Variants in TSPAN5 observed in about 807,000 individuals in gnomAD.
The protein encoded by TSPAN5 is tetraspanin-5.
Under a neutral mutation model 37.1 loss-of-function variants are expected in TSPAN5, and 10 were observed. The ratio of observed to expected loss-of-function variants is 0.27; its 90% CI spans 0.17 to 0.46. The LOEUF (loss-of-function observed/expected upper bound fraction) is 0.46. Among genes scored for constraint, TSPAN5 ranks in the 20% least tolerant of loss-of-function variants. TSPAN5 has a pLI of 1.00. For missense variants in TSPAN5, 195 were observed against 326.6 expected, an observed-to-expected ratio of 0.60 and a Z score of 3.11; for synonymous variants, 110 against 118.9, an observed-to-expected ratio of 0.93 and a Z score of 0.48.
chr4:98,609,285 G>A (rs570167628), intron 1 of TSPAN5, among the ~76,000 whole-genome samples: 1 of 152,258 alleles, frequency 6.6e-6, no homozygotes, highest in South Asian at 2.1e-4. Flanking sequence ...GTGAGCTCTG[G>A]GTGTTGGGAG....
intron 1 of TSPAN5, among the ~76,000 whole-genome samples, chr4:98,523,467 G>A (rs546366966): frequency 3.3e-5 from 5 of 152,156 alleles, no homozygotes; most frequent in African/African-American, 4.8e-5. Context: ...CAGAGTCTCC[G>A]TCTGTTGCCC....
chr4:98,546,385 T>A (rs964042800), intron 1 of TSPAN5, among the ~76,000 whole-genome samples: 3 of 152,162 alleles, frequency 2.0e-5, no homozygotes, highest in African/African-American at 7.2e-5. Flanking sequence ...TCCCTGAGTA[T>A]CCCTGAGAGG....
chr4:98,648,230 G>C (rs1757110896), intron 1 of TSPAN5, among the ~76,000 whole-genome samples: 1 of 152,224 alleles, frequency 6.6e-6, no homozygotes, highest in Non-Finnish European at 1.5e-5. Flanking sequence ...CTGTCATGCA[G>C]ACCTTGACGC....
At chr4:98,495,964 G>A (rs1324140182) in intron 2 of TSPAN5, among the ~76,000 whole-genome samples, 1 of 152,158 alleles carries the variant, frequency 6.6e-6, no homozygotes, top group East Asian at 1.9e-4. Context: ...TATGAAATGT[G>A]TACCCAAAGC....
chr4:98,653,101 C>CA (rs1247932590), intron 1 of TSPAN5, among the ~76,000 whole-genome samples: 1 of 152,180 alleles, frequency 6.6e-6, no homozygotes, highest in Non-Finnish European at 1.5e-5. Context: ...ATTCAAAACG[C>CA]AATTTAGATT....
chr4:98,599,836 G>T (rs1179663345), intron 1 of TSPAN5, among the ~76,000 whole-genome samples: 1 of 152,172 alleles, frequency 6.6e-6, no homozygotes, highest in African/African-American at 2.4e-5. Context: ...CTAGGTGATG[G>T]ATTCTTGGGT....
At chr4:98,570,497 T>A (rs916765884) in intron 1 of TSPAN5, among the ~76,000 whole-genome samples, 2 of 152,042 alleles carry the variant, frequency 1.3e-5, no homozygotes, top group Non-Finnish European at 2.9e-5. Flanking sequence ...ATTTAAAAGA[T>A]CACAAATGAC....
chr4:98,557,640 G>A (rs1042751779), intron 1 of TSPAN5, among the ~76,000 whole-genome samples: 15 of 152,204 alleles, frequency 9.9e-5, no homozygotes, highest in Non-Finnish European at 1.9e-4. Flanking sequence ...TTATGCAAGG[G>A]CTGTACGTAG....
At chr4:98,617,766 A>G (rs1209325013) in intron 1 of TSPAN5, among the ~76,000 whole-genome samples, 3 of 152,168 alleles carry the variant, frequency 2.0e-5, no homozygotes, top group African/African-American at 7.2e-5. Flanking sequence ...AGGAAGCCAA[A>G]GCTAGCGGTG....
At chr4:98,520,803 CTG>C (rs1412438160) in intron 1 of TSPAN5, among the ~76,000 whole-genome samples, 1 of 152,192 alleles carries the variant, frequency 6.6e-6, no homozygotes, top group Non-Finnish European at 1.5e-5. Context: ...GCAGTTATGG[CTG>C]TGTCATCTGG....
At chr4:98,631,157 A>T (rs1357654401) in intron 1 of TSPAN5, among the ~76,000 whole-genome samples, 2 of 152,164 alleles carry the variant, frequency 1.3e-5, no homozygotes, top group African/African-American at 4.8e-5. Context: ...AAACCTTGCA[A>T]TTACTTTGCT....
intron 1 of TSPAN5, among the ~76,000 whole-genome samples, chr4:98,520,970 C>T (rs138548591): frequency 9.5e-4 from 144 of 152,122 alleles, no homozygotes; most frequent in African/African-American, 3.0e-3. Context: ...CTCGCTCTGT[C>T]GCCCAGGCTG....
At chr4:98,573,636 G>C (rs182287843) in intron 1 of TSPAN5, among the ~76,000 whole-genome samples, 1 of 152,142 alleles carries the variant, frequency 6.6e-6, no homozygotes, top group African/African-American at 2.4e-5. Context: ...AACTGTCATC[G>C]AATACTATTT....
chr4:98,546,472 C>T (rs1332946148), intron 1 of TSPAN5, among the ~76,000 whole-genome samples: 3 of 152,212 alleles, frequency 2.0e-5, no homozygotes, highest in East Asian at 1.9e-4. Context: ...CAGTATTCCC[C>T]GACAGAATAG....
Position 98,472,578 on chromosome 4 carries a change from T to A in TSPAN5, c.751A>T (p.Ile251Leu). Residue 251 changes from isoleucine (I) to leucine (L), a missense_variant, in exon 8 of 8, where the codon ATA becomes TTA. Ile to Leu is a conservative substitution (Grantham distance 5). Coordinates refer to ENST00000305798, the MANE Select transcript of TSPAN5 (RefSeq NM_005723.4). ...IGIALLQIFG[I>L]CLAQNLVSDI... ...CTAACCAAATTCTGGGCCAGGCATA[T>A]CCCAAATATCTGAGAAAGGAAGAAA... 1 of 1,613,702 alleles carries A rather than the reference T, an allele frequency of 6.2e-7. No individual in the cohort carries two copies.
At chr4:98,589,649 G>A (rs938637349) in intron 1 of TSPAN5, among the ~76,000 whole-genome samples, 1 of 152,178 alleles carries the variant, frequency 6.6e-6, no homozygotes, top group Non-Finnish European at 1.5e-5. Flanking sequence ...CCAGCTACGC[G>A]CAGACTACCA....
chr4:98,491,479 A>G (rs1162399763), intron 2 of TSPAN5, among the ~76,000 whole-genome samples: 1 of 152,076 alleles, frequency 6.6e-6, no homozygotes, highest in Non-Finnish European at 1.5e-5. Flanking sequence ...CATGAGGTCA[A>G]GAAATCGAGA....
At chr4:98,651,210 C>T (rs1757178844) in intron 1 of TSPAN5, among the ~76,000 whole-genome samples, 1 of 152,114 alleles carries the variant, frequency 6.6e-6, no homozygotes, top group Admixed American at 6.6e-5. Context: ...ACTATTCCTA[C>T]CAAAGATGCA....
intron 1 of TSPAN5, among the ~76,000 whole-genome samples, chr4:98,612,045 T>A (rs1756208616): frequency 6.6e-6 from 1 of 152,210 alleles, no homozygotes; most frequent in African/African-American, 2.4e-5. Context: ...AGAACTAATG[T>A]TTCCTAGGAA....
Sources: allele counts gnomAD v4.1 joint callset (sites outside exome capture counted in the v4.1 genomes callset), GRCh38; gene constraint gnomAD v4.1.1; transcripts MANE v1.5; gene names NCBI Gene and HGNC (gene_info 2026-07-23, HGNC 2026-07-21).